Variants in ST6GALNAC3 observed in about 807,000 individuals in gnomAD.
ST6GALNAC3 encodes ST6 N-acetylgalactosaminide alpha-2,6-sialyltransferase 3.
ST6GALNAC3 carries 25 observed loss-of-function variants against 32.7 expected under a neutral mutation model. The ratio of observed to expected loss-of-function variants is 0.76; its 90% CI spans 0.56 to 1.07. ST6GALNAC3 has a LOEUF of 1.07. Among genes scored for constraint, ST6GALNAC3 ranks in the 50% least tolerant of loss-of-function variants. The pLI, the probability that ST6GALNAC3 is intolerant of heterozygous loss-of-function variation, is 0.00. For synonymous variants in ST6GALNAC3, 129 were observed against 133.1 expected, an observed-to-expected ratio of 0.97 and a Z score of 0.21; for missense variants, 355 against 382.4, an observed-to-expected ratio of 0.93 and a Z score of 0.60.
intron 1 of ST6GALNAC3, among the ~76,000 whole-genome samples, chr1:76,288,720 A>G (rs1299645562): frequency 6.6e-6 from 1 of 152,168 alleles, no homozygotes; most frequent in Non-Finnish European, 1.5e-5. Context: ...TTGCACTTGG[A>G]TGAATAGAGA....
At chr1:76,303,263 T>C (rs2100855224) in intron 1 of ST6GALNAC3, among the ~76,000 whole-genome samples, 1 of 152,172 alleles carries the variant, frequency 6.6e-6, no homozygotes, top group East Asian at 1.9e-4. Flanking sequence ...TGCAAGCATC[T>C]GATTGGTTGC....
intron 3 of ST6GALNAC3, among the ~76,000 whole-genome samples, chr1:76,468,143 A>C (rs1156857546): frequency 6.6e-6 from 1 of 151,786 alleles, no homozygotes; most frequent in African/African-American, 2.4e-5. Context: ...CAATTCTGCA[A>C]AGATAGGCAA....
intron 1 of ST6GALNAC3, among the ~76,000 whole-genome samples, chr1:76,309,549 A>G (rs1296411593): frequency 6.6e-6 from 1 of 152,136 alleles, no homozygotes; most frequent in Non-Finnish European, 1.5e-5. Context: ...TGACTACTAG[A>G]AGAAGGCACA....
At chr1:76,276,675 T>C (rs1043485155) in intron 1 of ST6GALNAC3, among the ~76,000 whole-genome samples, 5 of 152,170 alleles carry the variant, frequency 3.3e-5, no homozygotes, top group Non-Finnish European at 5.9e-5. Flanking sequence ...CAAATGTACA[T>C]ACATATATAA....
Position 76,508,693 on chromosome 1 carries a change from G to A in ST6GALNAC3, c.623+96276G>A, listed in dbSNP as rs149001596. Among the ~76,000 whole-genome samples, 1,239 of 152,168 alleles carry A rather than the reference G, an allele frequency of 8.1e-3. 29 individuals carry two copies. The highest frequency in any genetic ancestry group is 0.028 in the African/African-American group (1,164 of 41,514). ...CAAGCACCAGCCAGGGGCTTAGCTG[G>A]ACCCCAGGTTTCTAGGTGATCATCA... On this transcript the variant is annotated intron_variant, in intron 3 of 4. Transcript: ENST00000328299.
At chr1:76,257,921 T>G (rs144810929) in intron 1 of ST6GALNAC3, among the ~76,000 whole-genome samples, 2 of 152,146 alleles carry the variant, frequency 1.3e-5, no homozygotes, top group Non-Finnish European at 2.9e-5. Context: ...ATAAAGCAGA[T>G]GAAAAAATGT....
At chr1:76,483,360 A>C (rs965237682) in intron 3 of ST6GALNAC3, among the ~76,000 whole-genome samples, 2 of 152,056 alleles carry the variant, frequency 1.3e-5, no homozygotes, top group Non-Finnish European at 2.9e-5. Context: ...AAGTGTTCCT[A>C]TTTCTCCACA....
intron 1 of ST6GALNAC3, among the ~76,000 whole-genome samples, chr1:76,273,269 A>G (rs755055135): frequency 1.1e-4 from 16 of 152,128 alleles, no homozygotes; most frequent in Non-Finnish European, 1.5e-4. Context: ...TTTAACCAAT[A>G]TTTATATAGA....
At position 76,124,636 on chromosome 1, in the gene ST6GALNAC3, C is replaced by T. The variant is rs117587955; in HGVS notation, c.18+49752C>T. Among the ~76,000 whole-genome samples, 1,137 of 152,256 alleles carry T rather than the reference C, an allele frequency of 7.5e-3. 30 individuals carry two copies. The highest frequency in any genetic ancestry group is 0.061 in the Admixed American group (939 of 15,302). ...GGTCAGCCTGGCCCCAACTTTTTTCCCTCTTGTGATAGTGTTAAAAAGCTC... is the reference window on the plus strand; with the variant it reads ...GGTCAGCCTGGCCCCAACTTTTTTCTCTCTTGTGATAGTGTTAAAAAGCTC... On this transcript the variant is annotated intron_variant, in intron 1 of 4. Transcript: ENST00000328299.
chr1:76,367,600 A>G (rs1227654472), intron 2 of ST6GALNAC3, among the ~76,000 whole-genome samples: 1 of 152,172 alleles, frequency 6.6e-6, no homozygotes, highest in African/African-American at 2.4e-5. Flanking sequence ...CTCAGCTTAC[A>G]TATTATAGAT....
At chr1:76,306,560 A>G (rs1661064358) in intron 1 of ST6GALNAC3, among the ~76,000 whole-genome samples, 1 of 142,782 alleles carries the variant, frequency 7.0e-6, no homozygotes, top group South Asian at 2.4e-4. Context: ...AATCAAGGCA[A>G]TAGAGTTTTC....
At chr1:76,165,809 A>T (rs1652085708) in intron 1 of ST6GALNAC3, among the ~76,000 whole-genome samples, 1 of 152,160 alleles carries the variant, frequency 6.6e-6, no homozygotes, top group Admixed American at 6.6e-5. Flanking sequence ...GGCTGCATGT[A>T]CATCTTCTTT....
intron 1 of ST6GALNAC3, among the ~76,000 whole-genome samples, chr1:76,313,144 G>A: frequency 6.6e-6 from 1 of 152,104 alleles, no homozygotes; most frequent in Non-Finnish European, 1.5e-5. Flanking sequence ...TACAGAAACA[G>A]AAGAATGAGT....
intron 3 of ST6GALNAC3, among the ~76,000 whole-genome samples, chr1:76,467,425 G>A (rs868017738): frequency 1.3e-5 from 2 of 151,816 alleles, no homozygotes; most frequent in Non-Finnish European, 2.9e-5. Context: ...ACATTGCATA[G>A]GGAAAAAAGA....
At position 76,365,588 on chromosome 1, in the gene ST6GALNAC3, G is replaced by A. The variant is rs144030820; in HGVS notation, c.214-46420G>A. Among the ~76,000 whole-genome samples the A allele has an allele frequency of 2.6e-3, 389 of 152,122 alleles. 1 individual carries two copies. Among genetic ancestry groups the A allele is most frequent in the African/African-American group, 7.6e-3 (316 of 41,520 alleles). Reference sequence around the variant, plus strand: ...TTTCTGTGTTGTTTTAAATAATTCCGTGATCTAAGTATCTGATGCAGAGAT... The same window carrying A: ...TTTCTGTGTTGTTTTAAATAATTCCATGATCTAAGTATCTGATGCAGAGAT... On this transcript the variant is annotated intron_variant, in intron 2 of 4. Transcript: ENST00000328299.
chr1:76,092,847 C>CTGCCTGGCCTCCAGAGTGAT (rs1647068569), intron 1 of ST6GALNAC3, among the ~76,000 whole-genome samples: 1 of 152,106 alleles, frequency 6.6e-6, no homozygotes, highest in Non-Finnish European at 1.5e-5. Flanking sequence ...TCCAGCGTGA[C>CTGCCTGGCCTCCAGAGTGAT]TGCCTGGCCT....
intron 2 of ST6GALNAC3, among the ~76,000 whole-genome samples, chr1:76,344,659 T>C (rs999949079): frequency 6.6e-6 from 1 of 152,186 alleles, no homozygotes; most frequent in Non-Finnish European, 1.5e-5. Flanking sequence ...GAGGGAGATA[T>C]GGAATTTTGA....
intron 3 of ST6GALNAC3, among the ~76,000 whole-genome samples, chr1:76,626,322 G>T (rs1156470275): frequency 6.6e-6 from 1 of 151,878 alleles, no homozygotes; most frequent in Non-Finnish European, 1.5e-5. Context: ...TTTTTCAGAG[G>T]TGTTGCTACA....
chr1:76,321,669 T>C (rs1463333122), intron 2 of ST6GALNAC3, among the ~76,000 whole-genome samples: 1 of 152,156 alleles, frequency 6.6e-6, no homozygotes, highest in Non-Finnish European at 1.5e-5. Flanking sequence ...TCAGTGCAGG[T>C]GTCTGCAAGG....
Sources: allele counts gnomAD v4.1 joint callset (sites outside exome capture counted in the v4.1 genomes callset), GRCh38; gene constraint gnomAD v4.1.1; transcripts MANE v1.5; gene names NCBI Gene and HGNC (gene_info 2026-07-23, HGNC 2026-07-21).